DENND1A: variants seen among roughly 807,000 people sequenced by gnomAD.
DENND1A encodes DENN domain-containing protein 1A.
DENND1A carries 51 observed loss-of-function variants against 113.7 expected under a neutral mutation model. The observed-to-expected ratio is 0.45, with a 90% CI of 0.36 to 0.57. The LOEUF is 0.57. DENND1A is among the 20% of genes least tolerant of loss of function. The pLI is 0.00. For missense variants in DENND1A, 1,258 were observed against 1,395.9 expected (o/e 0.90, Z 1.57); for synonymous variants, 565 against 570.8 (o/e 0.99, Z 0.14).
At chr9:123,803,588 G>A (rs1835054597) in intron 2 of DENND1A, among the ~76,000 whole-genome samples, 1 of 152,034 alleles carries the variant, frequency 6.6e-6, no homozygotes, top group Admixed American at 6.6e-5. Flanking sequence ...CCTTGCAAAG[G>A]TCCTTTGTCC....
intron 13 of DENND1A, among the ~76,000 whole-genome samples, chr9:123,550,966 G>T (rs2135870450): frequency 6.6e-6 from 1 of 152,336 alleles, no homozygotes; most frequent in East Asian, 1.9e-4. Flanking sequence ...TCCCAGAGTT[G>T]CCTGGCAACT....
At chr9:123,431,851 T>C (rs1228680094) in intron 19 of DENND1A, among the ~76,000 whole-genome samples, 3 of 152,284 alleles carry the variant, frequency 2.0e-5, no homozygotes, top group East Asian at 1.9e-4. Context: ...GATGCTTAAA[T>C]TGACCTTATA....
intron 12 of DENND1A, among the ~76,000 whole-genome samples, chr9:123,578,566 T>G (rs2058733514): frequency 6.6e-6 from 1 of 152,184 alleles, no homozygotes; most frequent in African/African-American, 2.4e-5. Context: ...TTAATAAAGT[T>G]TCCAGCGTAG....
chr9:123,691,701 G>A (rs1320971272), intron 5 of DENND1A, among the ~76,000 whole-genome samples: 3 of 151,956 alleles, frequency 2.0e-5, no homozygotes, highest in South Asian at 2.1e-4. Flanking sequence ...GTTTCAAGCA[G>A]TGGACAGATC....
intron 1 of DENND1A, among the ~76,000 whole-genome samples, chr9:123,892,136 G>A (rs374656274): frequency 2.7e-4 from 41 of 152,332 alleles, no homozygotes; most frequent in African/African-American, 8.9e-4. Flanking sequence ...ATTAGCATGT[G>A]TATGTGAGGA....
Position 123,744,692 on chromosome 9 carries a change from C to T in DENND1A, c.302+13011G>A, listed in dbSNP as rs143310105. ...ATCTCACCTATGACAATTGGTCTACCTTTCAATATCTACTATACTATGTGA... is the reference window on the plus strand; with the variant it reads ...ATCTCACCTATGACAATTGGTCTACTTTTCAATATCTACTATACTATGTGA... On this transcript the variant is annotated intron_variant, in intron 5 of 23. Transcript: ENST00000394215. 1.5e-3 allele frequency among the ~76,000 whole-genome samples: 223 copies of T among 151,998 alleles called. 2 individuals are homozygous for T. Among genetic ancestry groups the T allele is most frequent in the Non-Finnish European group, 2.7e-3 (184 of 67,986 alleles).
chr9:123,485,650 G>GTA (rs2050769350), intron 13 of DENND1A: 1 of 127,462 alleles, frequency 7.8e-6, no homozygotes, highest in Non-Finnish European at 1.6e-5. Flanking sequence ...ACACACGCGC[G>GTA]CGCGCGCACA....
At chr9:123,419,104 T>C (rs1224693528) in intron 19 of DENND1A, among the ~76,000 whole-genome samples, 1 of 152,020 alleles carries the variant, frequency 6.6e-6, no homozygotes, top group Non-Finnish European at 1.5e-5. Flanking sequence ...CGAGGAGCGG[T>C]ATAGGTGAGA....
chr9:123,864,576 G>A (rs1459518966), intron 2 of DENND1A, among the ~76,000 whole-genome samples: 4 of 152,110 alleles, frequency 2.6e-5, no homozygotes, highest in Admixed American at 6.5e-5. Context: ...ATGTGAGAGC[G>A]CCTTCCTTTA....
At chr9:123,643,179 C>G (rs1470752960) in intron 9 of DENND1A, among the ~76,000 whole-genome samples, 1 of 152,176 alleles carries the variant, frequency 6.6e-6, no homozygotes, top group Non-Finnish European at 1.5e-5. Flanking sequence ...GGTACCCGGT[C>G]CTGCCCAGCT....
chr9:123,454,373 G>A (rs897497042), intron 16 of DENND1A, among the ~76,000 whole-genome samples: 1 of 152,170 alleles, frequency 6.6e-6, no homozygotes, highest in African/African-American at 2.4e-5. Flanking sequence ...CAGGAGCTTT[G>A]CTGTGAAAGA....
intron 15 of DENND1A, 68 bp from the exon 16 acceptor site, chr9:123,454,847 T>TG: frequency 1.4e-6 from 2 of 1,415,736 alleles, no homozygotes; most frequent in Admixed American, 2.3e-5. Flanking sequence ...TCCTTAAAAT[T>TG]GCTTTTTTTT....
At chr9:123,779,872 C>CT (rs72419269) in intron 3 of DENND1A, among the ~76,000 whole-genome samples, 1 of 143,878 alleles carries the variant, frequency 7.0e-6, no homozygotes, top group Non-Finnish European at 1.5e-5. Context: ...TTGCATGAGA[C>CT]TTTTTTTTGA....
Position 123,381,773 on chromosome 9 carries a change from CAA to C in DENND1A, c.2870_2871del (p.Phe957TrpfsTer39), listed in dbSNP as rs1564390724. The C allele has an allele frequency of 1.3e-6, 2 of 1,513,530 alleles. No homozygotes were observed. The highest frequency in any genetic ancestry group is 1.8e-6 in the Non-Finnish European group (2 of 1,131,162). 93.8% of individuals were successfully genotyped at this position (1,513,530 alleles called of 1,614,324 possible). ...NLSALSMPNLFGQMPMGTHTS... is the reference protein window; with the variant it reads ...NLSALSMPNLXGQMPMGTHTS... Reference sequence around the variant, plus strand: ...GTGTGGGTGCCCATGGGCATCTGGCCAAAGAGGTTGGGCATGGAGAGGGCGGA... The same window carrying C: ...GTGTGGGTGCCCATGGGCATCTGGCCAGAGGTTGGGCATGGAGAGGGCGGA... On this transcript the variant is annotated frameshift_variant, in exon 24 of 24. Transcript: ENST00000394215. LOFTEE classifies it high-confidence loss of function. This position sits in a 1 kb window ranked among gnomAD's most constrained non-coding sequence, Gnocchi z 4.7.
At chr9:123,674,519 A>G (rs1368074295) in intron 6 of DENND1A, among the ~76,000 whole-genome samples, 1 of 152,222 alleles carries the variant, frequency 6.6e-6, no homozygotes, top group African/African-American at 2.4e-5. Flanking sequence ...TAATCTGGTG[A>G]CTAAAACCTT....
chr9:123,925,581 T>C (rs1588286839), intron 1 of DENND1A, among the ~76,000 whole-genome samples: 1 of 152,230 alleles, frequency 6.6e-6, no homozygotes, highest in Non-Finnish European at 1.5e-5. Context: ...GAAAAATATT[T>C]GTTCATCTTT....
chr9:123,440,540 A>G, intron 18 of DENND1A, 49 bp from the exon 19 acceptor site: 2 of 1,514,330 alleles, frequency 1.3e-6, no homozygotes, highest in South Asian at 1.3e-5. Context: ...TCTGGCACCC[A>G]TGTTCCCTCT....
At chr9:123,701,191 G>A (rs2065863481) in intron 5 of DENND1A, among the ~76,000 whole-genome samples, 1 of 152,148 alleles carries the variant, frequency 6.6e-6, no homozygotes, top group African/African-American at 2.4e-5. Context: ...TTGATAGAAG[G>A]TAGAGCAAAA....
At chr9:123,488,829 C>T (rs2051111789) in intron 13 of DENND1A, among the ~76,000 whole-genome samples, 2 of 152,144 alleles carry the variant, frequency 1.3e-5, no homozygotes, top group African/African-American at 2.4e-5. Context: ...AAAACAGGCA[C>T]CTTTGCGTGG....
Sources: allele counts gnomAD v4.1 joint callset (sites outside exome capture counted in the v4.1 genomes callset), GRCh38; gene constraint gnomAD v4.1.1; non-coding constraint Gnocchi (gnomAD v3.1); transcripts MANE v1.5; gene names NCBI Gene and HGNC (gene_info 2026-07-23, HGNC 2026-07-21).